The following TNIK variants were observed in gnomAD, a reference collection of about 807,000 sequenced individuals.
TNIK encodes the protein TRAF2 and NCK-interacting protein kinase.
A neutral mutation model predicts 191.3 loss-of-function variants in TNIK; 49 were observed. The ratio of observed to expected loss-of-function variants is 0.26; its 90% CI spans 0.20 to 0.32. TNIK has a LOEUF of 0.32. Ranked by LOEUF, TNIK falls within the 10% of genes least tolerant of loss-of-function variation. The pLI is 1.00. For synonymous variants in TNIK, 594 were observed against 600.9 expected (o/e 0.99, Z 0.17); for missense variants, 1,155 against 1,702.3 (o/e 0.68, Z 5.66).
At chr3:171,288,458 G>T (rs535939640) in intron 2 of TNIK, among the ~76,000 whole-genome samples, 1 of 152,198 alleles carries the variant, frequency 6.6e-6, no homozygotes, top group African/African-American at 2.4e-5. Context: ...CCACCATAAG[G>T]GCTGGTGGCA....
chr3:171,448,750 C>T (rs1727817306), intron 1 of TNIK, among the ~76,000 whole-genome samples: 1 of 152,022 alleles, frequency 6.6e-6, no homozygotes, highest in East Asian at 1.9e-4. Context: ...TTCCAATATT[C>T]TGTCTACTTA....
chr3:171,286,443 T>C (rs535386220), intron 2 of TNIK, among the ~76,000 whole-genome samples: 2 of 152,314 alleles, frequency 1.3e-5, no homozygotes, highest in South Asian at 4.1e-4. Context: ...TTGTACAGCC[T>C]GGGCAACATG....
At chr3:171,163,615 T>A (rs1342588571) in intron 10 of TNIK, among the ~76,000 whole-genome samples, 1 of 152,200 alleles carries the variant, frequency 6.6e-6, no homozygotes, top group Non-Finnish European at 1.5e-5. Flanking sequence ...ATAAAGCATT[T>A]TAATACTCCA....
intron 7 of TNIK, among the ~76,000 whole-genome samples, chr3:171,182,752 A>C: frequency 6.6e-6 from 1 of 152,162 alleles, no homozygotes; most frequent in East Asian, 1.9e-4. Context: ...CAGTGAAGAA[A>C]AGCAACACGT....
At chr3:171,147,970 CCTTAA>C (rs1731869150) in intron 12 of TNIK, among the ~76,000 whole-genome samples, 3 of 152,238 alleles carry the variant, frequency 2.0e-5, no homozygotes, top group South Asian at 2.1e-4. Flanking sequence ...TTGTTACCTA[CCTTAA>C]CTTGTTACCT....
chr3:171,315,662 T>A (rs958915031), intron 2 of TNIK, among the ~76,000 whole-genome samples: 1 of 152,138 alleles, frequency 6.6e-6, no homozygotes. Flanking sequence ...AAGAAACAGT[T>A]CCATGCCTCC....
At chr3:171,329,116 TA>T (rs1304081870) in intron 2 of TNIK, among the ~76,000 whole-genome samples, 3 of 152,068 alleles carry the variant, frequency 2.0e-5, no homozygotes, top group African/African-American at 7.2e-5. Context: ...ACACACTCCT[TA>T]CACCCTATTT....
chr3:171,062,453 C>T lies in TNIK; in HGVS notation c.*1428G>A, dbSNP rs1257590281. The T allele has an allele frequency of 6.6e-5, 10 of 152,032 alleles. No individual in the cohort carries two copies. The highest frequency in any genetic ancestry group is 1.0e-4 in the Non-Finnish European group (7 of 68,004). The allele number at this position is 152,032 out of a possible 1,614,324, so 9.4% of individuals were successfully genotyped here. A position where few individuals can be genotyped will look rare whatever the true frequency, so the allele number is the denominator to read the frequency against. ...GATATTGTTTGCAACACCTCGATAC[C>T]ACAGGCGGCCATGCTTGTAGCTTTG... On this transcript the variant is annotated 3_prime_UTR_variant, in exon 33 of 33. Coordinates refer to ENST00000436636, the MANE Select transcript of TNIK (RefSeq NM_015028.4).
At chr3:171,371,631 C>T (rs778295347) in intron 1 of TNIK, among the ~76,000 whole-genome samples, 1 of 152,102 alleles carries the variant, frequency 6.6e-6, no homozygotes, top group Non-Finnish European at 1.5e-5. Context: ...AGCTCTGAGT[C>T]GACCAACACC....
At chr3:171,068,713 T>C (rs1369443133) in intron 30 of TNIK, 135 bp downstream of exon 30, 1 of 799,400 alleles carries the variant, frequency 1.3e-6, no homozygotes, top group Non-Finnish European at 1.8e-6. Context: ...AGCAGTATAC[T>C]TAATGAAGAA....
intron 19 of TNIK, among the ~76,000 whole-genome samples, chr3:171,109,100 T>C (rs1725434428): frequency 6.6e-6 from 1 of 152,172 alleles, no homozygotes. Flanking sequence ...TTTGGTTTAT[T>C]TAAATATTTG....
chr3:171,081,914 G>T (rs1481193276), intron 27 of TNIK, among the ~76,000 whole-genome samples: 2 of 152,118 alleles, frequency 1.3e-5, no homozygotes, highest in African/African-American at 4.8e-5. Context: ...CCTGCATTTT[G>T]ATATTCTGTC....
At chr3:171,207,540 T>G (rs1202601730) in intron 4 of TNIK, among the ~76,000 whole-genome samples, 1 of 151,942 alleles carries the variant, frequency 6.6e-6, no homozygotes, top group African/African-American at 2.4e-5. Context: ...TTAATACAAC[T>G]GGGAGAAAAA....
At chr3:171,223,626 GC>G (rs1030747702) in intron 3 of TNIK, among the ~76,000 whole-genome samples, 12 of 152,134 alleles carry the variant, frequency 7.9e-5, no homozygotes, top group Non-Finnish European at 1.6e-4. Flanking sequence ...AAAATGCCTG[GC>G]TTTCACATCC....
chr3:171,105,441 A>C (rs966149439), intron 21 of TNIK, among the ~76,000 whole-genome samples: 1 of 152,192 alleles, frequency 6.6e-6, no homozygotes, highest in African/African-American at 2.4e-5. Flanking sequence ...CTAAGGGAAG[A>C]GGAGTGGAGG....
chr3:171,398,905 A>G (rs1720568550), intron 1 of TNIK, among the ~76,000 whole-genome samples: 3 of 152,182 alleles, frequency 2.0e-5, no homozygotes, highest in Non-Finnish European at 4.4e-5. Context: ...CCTCTGCAGC[A>G]CAGGTGTTCT....
intron 23 of TNIK, among the ~76,000 whole-genome samples, chr3:171,091,242 G>C (rs554091274): frequency 5.9e-5 from 9 of 152,208 alleles, no homozygotes; most frequent in Non-Finnish European, 1.2e-4. Flanking sequence ...CTAATCTGCT[G>C]GGGACCTGAA....
intron 1 of TNIK, among the ~76,000 whole-genome samples, chr3:171,440,755 A>G (rs1311375556): frequency 6.6e-6 from 1 of 152,230 alleles, no homozygotes; most frequent in East Asian, 1.9e-4. Flanking sequence ...ATTTGTTAAC[A>G]AATGAACAAA....
chr3:171,410,408 C>G (rs1159121848), intron 1 of TNIK, among the ~76,000 whole-genome samples: 1 of 152,174 alleles, frequency 6.6e-6, no homozygotes, highest in Non-Finnish European at 1.5e-5. Flanking sequence ...TTCCTCACAG[C>G]ATGGAGGTCT....
Sources: allele counts gnomAD v4.1 joint callset (sites outside exome capture counted in the v4.1 genomes callset), GRCh38; gene constraint gnomAD v4.1.1; transcripts MANE v1.5; gene names NCBI Gene and HGNC (gene_info 2026-07-23, HGNC 2026-07-21).